Variants in BCOR observed in about 807,000 individuals in gnomAD.
BCOR encodes the protein BCL-6 corepressor.
BCOR carries 10 observed loss-of-function variants against 86.7 expected under a neutral mutation model. That is an observed-to-expected ratio of 0.12 (90% confidence interval 0.07 to 0.20). BCOR has a LOEUF of 0.20. Ranked by LOEUF, BCOR falls within the 10% of genes least tolerant of loss-of-function variation. The pLI is 1.00. For missense variants in BCOR, 1,259 were observed against 1,452.1 expected, an observed-to-expected ratio of 0.87 and a Z score of 2.16; for synonymous variants, 611 against 609.0, an observed-to-expected ratio of 1.00 and a Z score of -0.05.
chrX:40,151,967 G>C (rs1056039990), intron 1 of BCOR, among the ~76,000 whole-genome samples: 1 of 112,200 alleles, frequency 8.9e-6, no homozygotes, highest in Non-Finnish European at 1.9e-5. Context: ...CCGGCCACAG[G>C]CCCAGGAGAG....
chrX:40,121,271 G>C (rs375998079), intron 1 of BCOR, among the ~76,000 whole-genome samples: 1 of 111,167 alleles, frequency 9.0e-6, no homozygotes, highest in Non-Finnish European at 1.9e-5. Context: ...CGTTGCCACC[G>C]GGAGCTGGCT....
At chrX:40,158,382 G>A (rs1488736019) in intron 1 of BCOR, among the ~76,000 whole-genome samples, 2 of 111,904 alleles carry the variant, frequency 1.8e-5, no homozygotes, top group Admixed American at 1.9e-4. Context: ...TAGGACCGCG[G>A]AGCCGCAGGC....
At chrX:40,059,714 G>C (rs1324308931) in intron 10 of BCOR, among the ~76,000 whole-genome samples, 1 of 113,253 alleles carries the variant, frequency 8.8e-6, no homozygotes, top group Non-Finnish European at 1.9e-5. Flanking sequence ...ACAATTCTCT[G>C]TTAAGCAGCT....
chrX:40,056,796 G>A (rs1363501655), intron 11 of BCOR, among the ~76,000 whole-genome samples: 1 of 111,558 alleles, frequency 9.0e-6, no homozygotes, highest in Non-Finnish European at 1.9e-5. Context: ...CTGGCACTCT[G>A]TGTGTACTCC....
Position 40,063,103 on chromosome X carries a change from C to T in BCOR, c.3848-32G>A, listed in dbSNP as rs763391206. 8 of 459,073 alleles carry T rather than the reference C, an allele frequency of 1.7e-5. 1 individual carries two copies. The highest frequency in any genetic ancestry group is 6.9e-5 in the South Asian group (1 of 14,522). The allele number at this position is 459,073 out of a possible 1,213,427, so 37.8% of individuals were successfully genotyped here. A position where few individuals can be genotyped will look rare whatever the true frequency, so the allele number is the denominator to read the frequency against. On this transcript the variant is annotated intron_variant, in intron 8 of 14. Coordinates refer to ENST00000378444, the MANE Select transcript of BCOR (RefSeq NM_001123385.2). ...ACGGAGGGGGTGACGGGGTGGCGGGCGGATGGGAGACGGGAGAAGAAGCGG... is the reference window on the plus strand; with the variant it reads ...ACGGAGGGGGTGACGGGGTGGCGGGTGGATGGGAGACGGGAGAAGAAGCGG...
chrX:40,053,857 G>C, intron 14 of BCOR, 29 bp downstream of exon 14: 1 of 1,208,566 alleles, frequency 8.3e-7, no homozygotes, highest in Non-Finnish European at 1.1e-6. Flanking sequence ...AGCTCAGCTA[G>C]TTTTCAATCA....
In BCOR at chrX:40,175,539, T is replaced by TA. The variant is rs765667860; in HGVS notation, c.-41+1467dup. ...TCTGTGCACGTATCGACACAGCATC[T>TA]AATCAGTGTCACTGCCAGGAATACG... On this transcript the variant is annotated intron_variant, in intron 1 of 14. Transcript: ENST00000342274. Among the ~76,000 whole-genome samples the TA allele has an allele frequency of 3.8e-4, 43 of 113,496 alleles. 2 individuals carry two copies. Among genetic ancestry groups the TA allele is most frequent in the Admixed American group, 3.8e-3 (41 of 10,909 alleles).
chrX:40,091,044 C>G (rs1421149571), intron 1 of BCOR, among the ~76,000 whole-genome samples: 1 of 111,841 alleles, frequency 8.9e-6, no homozygotes, highest in Non-Finnish European at 1.9e-5. Flanking sequence ...GCAAAGATCG[C>G]TTCCCAAGTT....
chrX:40,095,825 G>A (rs1217836644), intron 1 of BCOR, among the ~76,000 whole-genome samples: 1 of 102,386 alleles, frequency 9.8e-6, no homozygotes, highest in Admixed American at 1.1e-4. Context: ...CGGACTTTCT[G>A]GAAAAGATTC....
At chrX:40,106,549 CCTCCCGCCCTCCCCGCG>C (rs1173543647) in intron 1 of BCOR, among the ~76,000 whole-genome samples, 1 of 110,070 alleles carries the variant, frequency 9.1e-6, no homozygotes, top group South Asian at 3.8e-4. Flanking sequence ...CGCGCTCCCG[CCTCCCGCCCTCCCCGCG>C]CTCCCGCCTC....
chrX:40,092,379 G>T, intron 1 of BCOR, among the ~76,000 whole-genome samples: 1 of 111,379 alleles, frequency 9.0e-6, no homozygotes, highest in East Asian at 2.8e-4. Flanking sequence ...TACCCTAGCC[G>T]GAGTTTACGT....
chrX:40,119,796 TTCTG>T (rs1428922680), intron 1 of BCOR, among the ~76,000 whole-genome samples: 4 of 110,956 alleles, frequency 3.6e-5, no homozygotes, highest in South Asian at 3.9e-4. Context: ...TTGTACACTT[TTCTG>T]TCTGTGTGCT....
At position 40,063,895 on chromosome X, in the gene BCOR, T is replaced by C. The variant is rs375188183; in HGVS notation, c.3560A>G (p.His1187Arg). The part of the protein sequence containing the change: ...NSSSNHLEDP[H>R]YSELTNLKVC... ...CTTCAGGTTGGTCAGCTCACTATAA[T>C]GTGGGTCTTCTAAGTGGTTAGAGGA... The change falls in exon 8 of 15, where the codon CAT becomes CGT. Residue 1187 changes from histidine (H) to arginine (R), a missense_variant. Coordinates refer to ENST00000378444, the MANE Select transcript of BCOR (RefSeq NM_001123385.2). 3 of 1,211,555 alleles carry C rather than the reference T, an allele frequency of 2.5e-6. No homozygotes were observed. Among genetic ancestry groups the C allele is most frequent in the Non-Finnish European group, 2.2e-6 (2 of 895,245 alleles).
chrX:40,168,078 A>G (rs1011345819), intron 1 of BCOR, among the ~76,000 whole-genome samples: 2 of 112,561 alleles, frequency 1.8e-5, no homozygotes, highest in Non-Finnish European at 3.8e-5. Flanking sequence ...TGTCATCGGA[A>G]CGCACACACA....
chrX:40,075,301 A>G (rs1395374411), intron 3 of BCOR, 121 bp from the exon 4 acceptor site: 10 of 288,960 alleles, frequency 3.5e-5, no homozygotes, highest in African/African-American at 3.2e-4. Flanking sequence ...AGGGTTAAAG[A>G]CAGGCTTCCG....
intron 1 of BCOR, among the ~76,000 whole-genome samples, chrX:40,164,620 G>A (rs1416996535): frequency 1.8e-5 from 2 of 111,775 alleles, no homozygotes; most frequent in Non-Finnish European, 1.9e-5. Context: ...GGCTGCACAA[G>A]GGAGCCAGTT....
At position 40,169,657 on chromosome X, in the gene BCOR, TC is replaced by T. The variant is rs200157942; in HGVS notation, c.-41+7349del. Among the ~76,000 whole-genome samples the T allele has an allele frequency of 6.5e-3, 695 of 107,708 alleles. 2 individuals carry two copies. Among genetic ancestry groups the T allele is most frequent in the African/African-American group, 0.022 (661 of 29,393 alleles). 93.5% of individuals were successfully genotyped at this position (107,708 alleles called of 115,157 possible). A position where few individuals can be genotyped will look rare whatever the true frequency, so the allele number is the denominator to read the frequency against. On this transcript the variant is annotated intron_variant, in intron 1 of 14. Coordinates refer to the BCOR transcript ENST00000342274. ...GGAGGAGAAATAATCTATAGGACAA[TC>T]CCCCCCCTACTGGTCGGAGCTGGCG...
chrX:40,174,589 A>G (rs1329514156), intron 1 of BCOR, among the ~76,000 whole-genome samples: 1 of 112,853 alleles, frequency 8.9e-6, no homozygotes, highest in African/African-American at 3.2e-5. Flanking sequence ...AAAACGCAGA[A>G]CCATCTACTA....
At chrX:40,133,774 C>A (rs769656389) in intron 1 of BCOR, among the ~76,000 whole-genome samples, 175 of 111,521 alleles carry the variant, frequency 1.6e-3, no homozygotes, top group African/African-American at 5.5e-3. Context: ...TTTCAACCTT[C>A]TTGGCCCTAA....
Sources: gnomAD v4.1 joint callset for allele counts (sites outside exome capture counted in the v4.1 genomes callset) on GRCh38, gnomAD v4.1.1 for gene constraint, MANE v1.5 for transcripts, NCBI Gene and HGNC (gene_info 2026-07-23, HGNC 2026-07-21) for gene names.